The following PRELID2 variants were observed in gnomAD, a reference collection of about 807,000 sequenced individuals.
The protein encoded by PRELID2 is PRELI domain-containing protein 2.
Under a neutral mutation model 28.4 loss-of-function variants are expected in PRELID2, and 25 were observed. The ratio of observed to expected loss-of-function variants is 0.88; its 90% CI spans 0.64 to 1.23. PRELID2 has a LOEUF of 1.23. Ranked by LOEUF, PRELID2 falls within the 50% of genes most tolerant of loss-of-function variation. PRELID2 has a pLI of 0.00. For missense variants in PRELID2, 201 were observed against 214.4 expected, an observed-to-expected ratio of 0.94 and a Z score of 0.39; for synonymous variants, 76 against 71.6, an observed-to-expected ratio of 1.06 and a Z score of -0.31.
At chr5:145,287,196 C>T in the PRELID2 span, among the ~76,000 whole-genome samples, 11 of 152,168 alleles carry the variant, frequency 7.2e-5, no homozygotes, top group East Asian at 1.7e-3. Flanking sequence ...TAGTACCAAA[C>T]CCCATATATA....
At chr5:145,425,483 T>C in the PRELID2 span, among the ~76,000 whole-genome samples, 3 of 152,134 alleles carry the variant, frequency 2.0e-5, no homozygotes, top group African/African-American at 7.2e-5. Context: ...CTATTCACAA[T>C]AGCAAAAACA....
chr5:145,675,907 A>G (rs190175218), intron 1 of PRELID2, among the ~76,000 whole-genome samples: 3 of 152,358 alleles, frequency 2.0e-5, no homozygotes, highest in Non-Finnish European at 4.4e-5. Flanking sequence ...CAAATATGTG[A>G]GTTGATACCA....
the PRELID2 span, among the ~76,000 whole-genome samples, chr5:145,287,715 A>G: frequency 1.8e-4 from 27 of 152,212 alleles, no homozygotes; most frequent in Non-Finnish European, 2.6e-4. Context: ...CACTTTTGAT[A>G]TAATTTAATG....
intron 5 of PRELID2, among the ~76,000 whole-genome samples, chr5:145,777,022 G>C (rs1758451723): frequency 6.6e-6 from 1 of 152,202 alleles, no homozygotes; most frequent in Admixed American, 6.5e-5. Flanking sequence ...AAAAGACCAA[G>C]TGCTGTAAGC....
chr5:145,720,331 T>C (rs990667087), intron 1 of PRELID2, among the ~76,000 whole-genome samples: 6 of 151,268 alleles, frequency 4.0e-5, no homozygotes, highest in Non-Finnish European at 8.9e-5. Flanking sequence ...TAAAGATAAT[T>C]TTAAAAAAAA....
chr5:145,406,979 T>G, the PRELID2 span, among the ~76,000 whole-genome samples: 1 of 152,276 alleles, frequency 6.6e-6, no homozygotes, highest in Middle Eastern at 3.4e-3. Flanking sequence ...ATGGGGTTCC[T>G]TGAGGAAGGC....
intron 1 of PRELID2, among the ~76,000 whole-genome samples, chr5:145,564,525 C>T (rs978398004): frequency 6.6e-6 from 1 of 152,202 alleles, no homozygotes; most frequent in African/African-American, 2.4e-5. Flanking sequence ...AGTGTCACCC[C>T]CATCATGGAA....
chr5:145,608,179 T>C (rs992576273), intron 1 of PRELID2, among the ~76,000 whole-genome samples: 11 of 152,172 alleles, frequency 7.2e-5, no homozygotes, highest in Non-Finnish European at 1.3e-4. Flanking sequence ...ATAGACAGCA[T>C]ACAAGTGAGT....
chr5:145,508,937 G>A (rs1752438086), intron 1 of PRELID2, among the ~76,000 whole-genome samples: 1 of 152,190 alleles, frequency 6.6e-6, no homozygotes, highest in Non-Finnish European at 1.5e-5. Flanking sequence ...CATGTTGAAA[G>A]TAGTAGAGCA....
chr5:145,713,826 A>G (rs1755771316), intron 1 of PRELID2, among the ~76,000 whole-genome samples: 1 of 150,718 alleles, frequency 6.6e-6, no homozygotes, highest in African/African-American at 2.4e-5. Context: ...TGGCACATAT[A>G]TATATGCCAG....
At chr5:145,260,338 A>G in the PRELID2 span, among the ~76,000 whole-genome samples, 1 of 152,232 alleles carries the variant, frequency 6.6e-6, no homozygotes, top group Admixed American at 6.5e-5. Flanking sequence ...GAAATCAACG[A>G]AACTAAAGAC....
chr5:145,286,955 C>T, the PRELID2 span, among the ~76,000 whole-genome samples: 1 of 152,096 alleles, frequency 6.6e-6, no homozygotes, highest in African/African-American at 2.4e-5. Context: ...GGTGATCTGC[C>T]CGCCTCAGCC....
the PRELID2 span, among the ~76,000 whole-genome samples, chr5:145,296,215 A>C: frequency 1.3e-5 from 2 of 151,318 alleles, no homozygotes; most frequent in East Asian, 1.9e-4. Context: ...TTATACTTTA[A>C]GTTTTAGGGT....
intron 1 of PRELID2, among the ~76,000 whole-genome samples, chr5:145,501,460 G>A (rs1752359170): frequency 6.6e-6 from 1 of 152,142 alleles, no homozygotes; most frequent in African/African-American, 2.4e-5. Context: ...CTCATGTGTT[G>A]TGGGAGAGAC....
chr5:145,447,512 G>A, the PRELID2 span, among the ~76,000 whole-genome samples: 1 of 130,950 alleles, frequency 7.6e-6, no homozygotes, highest in Non-Finnish European at 1.6e-5. Context: ...GGGTACATGT[G>A]CATATTGTGC....
intron 1 of PRELID2, among the ~76,000 whole-genome samples, chr5:145,650,836 C>G (rs1754283589): frequency 1.3e-5 from 2 of 151,930 alleles, no homozygotes; most frequent in African/African-American, 4.8e-5. Flanking sequence ...GTGAGCGATG[C>G]AGAAGACGGA....
intron 1 of PRELID2, among the ~76,000 whole-genome samples, chr5:145,650,043 T>C (rs79899757): frequency 0.085 from 13,005 of 152,230 alleles, 784 homozygotes; most frequent in Admixed American, 0.19. Context: ...TGTTTCAAAT[T>C]ATATTGATCC....
chr5:145,303,701 A>C, the PRELID2 span, among the ~76,000 whole-genome samples: 1 of 152,352 alleles, frequency 6.6e-6, no homozygotes, highest in East Asian at 1.9e-4. Flanking sequence ...AATTTAATTA[A>C]TTGGATTAAC....
At chr5:145,746,945 CA>C (rs886127085) in intron 1 of PRELID2, among the ~76,000 whole-genome samples, 3 of 152,046 alleles carry the variant, frequency 2.0e-5, no homozygotes, top group Non-Finnish European at 4.4e-5. Flanking sequence ...GGGTAAATTA[CA>C]AAATTAAGGC....
Sources: gnomAD v4.1 joint callset for allele counts (sites outside exome capture counted in the v4.1 genomes callset) on GRCh38, gnomAD v4.1.1 for gene constraint, MANE v1.5 for transcripts, NCBI Gene and HGNC (gene_info 2026-07-23, HGNC 2026-07-21) for gene names.